SPSB1: variants seen among roughly 807,000 people sequenced by gnomAD.
The protein encoded by SPSB1 is SPRY domain-containing SOCS box protein 1.
In SPSB1, 8 loss-of-function variants were observed where a neutral mutation model predicts 21.2. That is an observed-to-expected ratio of 0.38 (90% CI 0.22 to 0.68). SPSB1 has a LOEUF of 0.68. Ranked by LOEUF, SPSB1 falls within the 30% of genes least tolerant of loss-of-function variation. SPSB1 has a pLI of 0.53. For missense variants in SPSB1, 242 were observed against 377.8 expected, an observed-to-expected ratio of 0.64 and a Z score of 2.98; for synonymous variants, 169 against 161.7, an observed-to-expected ratio of 1.05 and a Z score of -0.34.
rs1639776173 is a variant in SPSB1 at position 9,324,298 on chromosome 1, G to A, written c.-150+31227G>A. On this transcript the variant is annotated intron_variant, in intron 1 of 2. Transcript: ENST00000328089. This position sits in a 1 kb window ranked among gnomAD's most constrained non-coding sequence, Gnocchi z 4.3. ...GGGACTCACAGCTCTTCATGGCATC[G>A]ATGAATCGTGTCCCGATTAGCTGTT... Among the ~76,000 whole-genome samples, 1 of 152,152 alleles carries A rather than the reference G, an allele frequency of 6.6e-6. No individual in the cohort carries two copies.
chr1:9,314,145 C>T (rs1224970338), intron 1 of SPSB1, among the ~76,000 whole-genome samples: 1 of 148,612 alleles, frequency 6.7e-6, no homozygotes, highest in African/African-American at 2.5e-5. Flanking sequence ...TACTGCACTC[C>T]AGCCTGGGCA....
At chr1:9,353,064 G>A (rs747017883) in intron 1 of SPSB1, among the ~76,000 whole-genome samples, 73 of 152,054 alleles carry the variant, frequency 4.8e-4, no homozygotes, top group Non-Finnish European at 6.8e-4. Flanking sequence ...GTGCCCACAG[G>A]ACCCTGCAAA....
At chr1:9,307,070 GGC>G (rs1553123912) in intron 1 of SPSB1, among the ~76,000 whole-genome samples, 5 of 152,002 alleles carry the variant, frequency 3.3e-5, no homozygotes, top group Non-Finnish European at 7.4e-5. Context: ...TGGGATTACA[GGC>G]ACGTGCCACC....
At chr1:9,312,198 C>T (rs1049487896) in intron 1 of SPSB1, among the ~76,000 whole-genome samples, 5 of 151,760 alleles carry the variant, frequency 3.3e-5, no homozygotes, top group African/African-American at 4.8e-5. Flanking sequence ...GGCAGAATCT[C>T]GCTCTGTCAC....
chr1:9,304,208 T>C (rs1639377663), intron 1 of SPSB1, among the ~76,000 whole-genome samples: 1 of 152,160 alleles, frequency 6.6e-6, no homozygotes, highest in African/African-American at 2.4e-5. Flanking sequence ...ACTCATACCA[T>C]TGGTCCCCGG....
At chr1:9,336,454 G>A (rs1221025758) in intron 1 of SPSB1, among the ~76,000 whole-genome samples, 1 of 152,142 alleles carries the variant, frequency 6.6e-6, no homozygotes, top group Non-Finnish European at 1.5e-5. Flanking sequence ...TCAAACTCCT[G>A]ACCTCAGGTG....
intron 1 of SPSB1, among the ~76,000 whole-genome samples, chr1:9,343,778 GC>G (rs1640126298): frequency 6.6e-6 from 1 of 150,436 alleles, no homozygotes; most frequent in Non-Finnish European, 1.5e-5. Flanking sequence ...CTTCCCATTA[GC>G]AGGTTTTTTG....
At chr1:9,311,326 C>G (rs1030630261) in intron 1 of SPSB1, among the ~76,000 whole-genome samples, 11 of 152,106 alleles carry the variant, frequency 7.2e-5, no homozygotes, top group South Asian at 2.1e-4. Context: ...GGGTTTCTTT[C>G]TTCCCCCTGA....
intron 1 of SPSB1, among the ~76,000 whole-genome samples, chr1:9,336,000 C>G (rs1184160967): frequency 6.6e-6 from 1 of 152,216 alleles, no homozygotes; most frequent in Non-Finnish European, 1.5e-5. Flanking sequence ...GCATCCAGCA[C>G]TGTTTGAGGA....
chr1:9,293,312 C>G lies in SPSB1; in HGVS notation c.-150+241C>G, dbSNP rs1346308023. ...GGCTCCTGGGAGAGGGGCCCAGGCC[C>G]GCCCCGCGCTGCCGCCGCTGCAGGG... On this transcript the variant is annotated intron_variant, in intron 1 of 2. Transcript: ENST00000328089. This position sits in a 1 kb window ranked among gnomAD's most constrained non-coding sequence, Gnocchi z 5.1. Among the ~76,000 whole-genome samples the G allele has an allele frequency of 7.4e-5, 11 of 148,850 alleles. No individual in the cohort carries two copies. In the East Asian group the frequency reaches 2.2e-3, roughly 30 times the overall value.
At position 9,293,505 on chromosome 1, in the gene SPSB1, C is replaced by T. The variant is rs964659346; in HGVS notation, c.-150+434C>T. ...GGCTGAGTTAGTTTCGCTTTTCCCG[C>T]CAGTCCGAGTCGGGATTGGCGGCGC... On this transcript the variant is annotated intron_variant, in intron 1 of 2. Coordinates refer to ENST00000328089, the MANE Select transcript of SPSB1 (RefSeq NM_025106.4). This position sits in a 1 kb window ranked among gnomAD's most constrained non-coding sequence, Gnocchi z 5.1. Among the ~76,000 whole-genome samples the T allele has an allele frequency of 1.3e-5, 2 of 151,614 alleles. No homozygotes were observed. Among genetic ancestry groups the T allele is most frequent in the African/African-American group, 4.8e-5 (2 of 41,310 alleles).
intron 2 of SPSB1, among the ~76,000 whole-genome samples, chr1:9,361,151 A>ATTTTTTTTTTTTTTTTT: frequency 1.5e-5 from 1 of 66,154 alleles, no homozygotes; most frequent in African/African-American, 7.4e-5. Context: ...TGGATCTGTC[A>ATTTTTTTTTTTTTTTTT]TTTTCTTTTT....
In SPSB1 at chr1:9,356,714, C is replaced by T; in HGVS notation, c.694+129C>T. The T allele has an allele frequency of 7.1e-7, 1 of 1,401,768 alleles. No individual in the cohort carries two copies. The highest frequency in any genetic ancestry group is 9.3e-7 in the Non-Finnish European group (1 of 1,072,428). The allele number at this position is 1,401,768 out of a possible 1,614,324, so 86.8% of individuals were successfully genotyped here. A position where few individuals can be genotyped will look rare whatever the true frequency, so the allele number is the denominator to read the frequency against. ...AGACGATATTCCAGTGTATTCAGAC[C>T]CTCAGAGGCAACTTTTGCATCGGGT... On this transcript the variant is annotated intron_variant, in intron 2 of 2. Coordinates refer to ENST00000328089, the MANE Select transcript of SPSB1 (RefSeq NM_025106.4). The surrounding 1 kb of genome is among the most constrained non-coding windows in gnomAD (Gnocchi z 7.4).
intron 1 of SPSB1, among the ~76,000 whole-genome samples, chr1:9,294,028 C>CTG (rs60016245): frequency 1.6e-4 from 24 of 150,258 alleles, no homozygotes; most frequent in East Asian, 1.2e-3. Flanking sequence ...CTCTAAGTGA[C>CTG]TGTGTGTGTG....
chr1:9,341,782 A>G (rs905279254), intron 1 of SPSB1, among the ~76,000 whole-genome samples: 8 of 151,724 alleles, frequency 5.3e-5, no homozygotes, highest in African/African-American at 1.9e-4. Context: ...GTCTCACCGC[A>G]ATCTCCACCT....
intron 1 of SPSB1, among the ~76,000 whole-genome samples, chr1:9,316,961 C>T (rs1639626985): frequency 6.6e-6 from 1 of 152,172 alleles, no homozygotes; most frequent in South Asian, 2.1e-4. Context: ...TCGCAGAGAT[C>T]CCAGGCCCCG....
rs1175856147 is a variant in SPSB1, at chr1:9,293,318, G to GCGCTGCCGC, written c.-150+254_-150+262dup. Reference sequence around the variant, plus strand: ...TGGGAGAGGGGCCCAGGCCCGCCCCGCGCTGCCGCCGCTGCAGGGCAGGGG... The same window carrying GCGCTGCCGC: ...TGGGAGAGGGGCCCAGGCCCGCCCCGCGCTGCCGCCGCTGCCGCCGCTGCAGGGCAGGGG... On this transcript the variant is annotated intron_variant, in intron 1 of 2. Transcript: ENST00000328089. The surrounding 1 kb of genome is among the most constrained non-coding windows in gnomAD (Gnocchi z 5.1). 6.7e-6 allele frequency among the ~76,000 whole-genome samples: 1 copy of GCGCTGCCGC among 150,084 alleles called. No homozygotes were observed. Among genetic ancestry groups the GCGCTGCCGC allele is most frequent in the African/African-American group, 2.4e-5 (1 of 41,044 alleles).
At chr1:9,309,993 T>G (rs1639490631) in intron 1 of SPSB1, among the ~76,000 whole-genome samples, 1 of 152,212 alleles carries the variant, frequency 6.6e-6, no homozygotes, top group South Asian at 2.1e-4. Context: ...GCTGTGGGTC[T>G]GCCCGAGGTC....
chr1:9,306,898 T>A (rs904443972), intron 1 of SPSB1, among the ~76,000 whole-genome samples: 1 of 150,128 alleles, frequency 6.7e-6, no homozygotes, highest in Non-Finnish European at 1.5e-5. Flanking sequence ...CTAATTAGGG[T>A]GTCTTTTTTC....
Sources: allele counts gnomAD v4.1 joint callset (sites outside exome capture counted in the v4.1 genomes callset), GRCh38; gene constraint gnomAD v4.1.1; non-coding constraint Gnocchi (gnomAD v3.1); transcripts MANE v1.5; gene names NCBI Gene and HGNC (gene_info 2026-07-23, HGNC 2026-07-21).